Variants in ABLIM1 observed in about 807,000 individuals in gnomAD.
ABLIM1 encodes actin binding LIM protein 1.
Under a neutral mutation model 107.0 loss-of-function variants are expected in ABLIM1, and 40 were observed. The ratio of observed to expected loss-of-function variants is 0.37; its 90% CI spans 0.29 to 0.49. The LOEUF (loss-of-function observed/expected upper bound fraction) is 0.49. Among genes scored for constraint, ABLIM1 ranks in the 20% least tolerant of loss-of-function variants. ABLIM1 has a pLI of 0.97. For synonymous variants in ABLIM1, 357 were observed against 357.3 expected, an observed-to-expected ratio of 1.00 and a Z score of 0.01; for missense variants, 857 against 1,008.5, an observed-to-expected ratio of 0.85 and a Z score of 2.04.
At chr10:114,746,375 T>C (rs562410409) in intron 1 of ABLIM1, among the ~76,000 whole-genome samples, 14 of 152,228 alleles carry the variant, frequency 9.2e-5, no homozygotes, top group Non-Finnish European at 2.1e-4. Context: ...TCACTTAGCA[T>C]TGTGTTCTCC....
chr10:114,491,012 G>GTGTGTGTGTGTGTCTATATATATATATA, intron 7 of ABLIM1, among the ~76,000 whole-genome samples: 2 of 92,396 alleles, frequency 2.2e-5, no homozygotes, highest in Non-Finnish European at 3.9e-5. Context: ...GTGTGTGTGT[G>GTGTGTGTGTGTGTCTATATATATATATA]TATATATATA....
chr10:114,502,913 T>G (rs2060623764), intron 6 of ABLIM1, among the ~76,000 whole-genome samples: 1 of 152,186 alleles, frequency 6.6e-6, no homozygotes, highest in African/African-American at 2.4e-5. Flanking sequence ...CCCCCTTGTG[T>G]CCTCTTCCAA....
intron 4 of ABLIM1, among the ~76,000 whole-genome samples, chr10:114,567,919 G>A (rs1057281868): frequency 2.6e-5 from 4 of 152,204 alleles, no homozygotes; most frequent in East Asian, 3.9e-4. Context: ...GGCCGGGCGC[G>A]GTGGCTCACG....
chr10:114,701,726 A>T (rs575487713), intron 1 of ABLIM1, among the ~76,000 whole-genome samples: 3 of 152,298 alleles, frequency 2.0e-5, no homozygotes, highest in African/African-American at 7.2e-5. Flanking sequence ...TCTAATTAGG[A>T]CCTTGATTGT....
In ABLIM1 at chr10:114,549,604, T is replaced by C. The variant is rs552735011; in HGVS notation, c.674-1828A>G. Among the ~76,000 whole-genome samples, 25 of 152,288 alleles carry C rather than the reference T, an allele frequency of 1.6e-4. No individual in the cohort carries two copies. The East Asian group carries it at 1.9e-3, about 12-fold the overall frequency. ...ACATAACCTTGAGATCCAGTAATTATTTTATGTCTAAGATTTTATTCTACA... is the reference window on the plus strand; with the variant it reads ...ACATAACCTTGAGATCCAGTAATTACTTTATGTCTAAGATTTTATTCTACA... On this transcript the variant is annotated intron_variant, in intron 4 of 22. Coordinates refer to ENST00000533213, the MANE Select transcript of ABLIM1 (RefSeq NM_002313.7).
chr10:114,616,824 G>A (rs1182796784), intron 1 of ABLIM1, among the ~76,000 whole-genome samples: 1 of 152,238 alleles, frequency 6.6e-6, no homozygotes, highest in Non-Finnish European at 1.5e-5. Flanking sequence ...GGCAATGGGT[G>A]ACCAGGCGTT....
intron 6 of ABLIM1, among the ~76,000 whole-genome samples, chr10:114,512,061 C>T (rs2061949369): frequency 6.6e-6 from 1 of 152,234 alleles, no homozygotes; most frequent in Non-Finnish European, 1.5e-5. Flanking sequence ...GACAGTAAAG[C>T]TGCTTGGTAC....
At chr10:114,769,500 AAG>A (rs1391583256), upstream of ABLIM1, among the ~76,000 whole-genome samples, 5 of 146,266 alleles carry the variant, frequency 3.4e-5, no homozygotes, top group East Asian at 2.0e-4. Context: ...AAAGGGAAGG[AAG>A]AGAGAGAAGG....
At chr10:114,692,644 C>A (rs2081105589) in intron 1 of ABLIM1, among the ~76,000 whole-genome samples, 1 of 152,138 alleles carries the variant, frequency 6.6e-6, no homozygotes. Context: ...GTAATCCCAG[C>A]ACTTTGGGAG....
intron 6 of ABLIM1, among the ~76,000 whole-genome samples, chr10:114,514,513 C>T (rs1211299491): frequency 3.3e-5 from 5 of 152,080 alleles, no homozygotes; most frequent in Admixed American, 6.5e-5. Flanking sequence ...GTTGGGTCTA[C>T]AGATGCATGT....
Position 114,629,049 on chromosome 10 carries a change from G to A in ABLIM1, c.245-27088C>T, listed in dbSNP as rs188854374. Reference sequence around the variant, plus strand: ...GAAATAACCATTTCATCAAGATTCCGGAATCAATAAGTGTCTGCAGCTGGA... The same window carrying A: ...GAAATAACCATTTCATCAAGATTCCAGAATCAATAAGTGTCTGCAGCTGGA... On this transcript the variant is annotated intron_variant, in intron 1 of 22. Transcript: ENST00000533213. The surrounding 1 kb of genome is among the most constrained non-coding windows in gnomAD (Gnocchi z 4.0). 1.1e-4 allele frequency among the ~76,000 whole-genome samples: 17 copies of A among 152,214 alleles called. No individual in the cohort carries two copies. The highest frequency in any genetic ancestry group is 1.9e-4 in the East Asian group (1 of 5,172).
chr10:114,629,365 A>G lies in ABLIM1; in HGVS notation c.245-27404T>C, dbSNP rs2078022668. Among the ~76,000 whole-genome samples, 1 of 152,160 alleles carries G rather than the reference A, an allele frequency of 6.6e-6. No homozygotes were observed. Among genetic ancestry groups the G allele is most frequent in the Admixed American group, 6.5e-5 (1 of 15,276 alleles). ...TCGAGTTGATTCCTGACAGCTCCAC[A>G]GGGAAGGAAGGAGCTAGGCTTTTCT... On this transcript the variant is annotated intron_variant, in intron 1 of 22. Coordinates refer to ENST00000533213, the MANE Select transcript of ABLIM1 (RefSeq NM_002313.7). This position sits in a 1 kb window ranked among gnomAD's most constrained non-coding sequence, Gnocchi z 4.0.
intron 6 of ABLIM1, among the ~76,000 whole-genome samples, chr10:114,492,772 C>T (rs556828640): frequency 1.5e-4 from 23 of 152,250 alleles, no homozygotes; most frequent in Middle Eastern, 6.8e-3. Flanking sequence ...AGGCAGTGGC[C>T]GAGAAAGAGT....
At chr10:114,524,972 A>G (rs919370872) in intron 6 of ABLIM1, among the ~76,000 whole-genome samples, 2 of 152,230 alleles carry the variant, frequency 1.3e-5, no homozygotes, top group African/African-American at 4.8e-5. Context: ...GCCTCCTCTC[A>G]TAGACCCTTC....
intron 4 of ABLIM1, among the ~76,000 whole-genome samples, chr10:114,552,429 G>A (rs1373945478): frequency 6.6e-6 from 1 of 150,396 alleles, no homozygotes; most frequent in Non-Finnish European, 1.5e-5. Flanking sequence ...GTGGCATCGA[G>A]GAAATAAAAC....
At chr10:114,554,335 G>C (rs2068457594) in intron 4 of ABLIM1, among the ~76,000 whole-genome samples, 1 of 152,158 alleles carries the variant, frequency 6.6e-6, no homozygotes, top group South Asian at 2.1e-4. Flanking sequence ...AATGGATGGG[G>C]GAAGAGAATT....
chr10:114,637,041 A>G (rs1307819256), intron 1 of ABLIM1, among the ~76,000 whole-genome samples: 3 of 144,920 alleles, frequency 2.1e-5, no homozygotes, highest in African/African-American at 8.4e-5. Flanking sequence ...TCTTTAAAAA[A>G]AAAAAAAAAA....
At chr10:114,447,797 C>A in intron 15 of ABLIM1, 83 bp downstream of exon 15, 1 of 1,555,648 alleles carries the variant, frequency 6.4e-7, no homozygotes, top group South Asian at 1.2e-5. Flanking sequence ...TAATAGGATA[C>A]ATTTTCTTTC....
chr10:114,751,642 C>A (rs1452019484), intron 1 of ABLIM1, among the ~76,000 whole-genome samples: 1 of 151,040 alleles, frequency 6.6e-6, no homozygotes, highest in Non-Finnish European at 1.5e-5. Flanking sequence ...CCCAGCTACT[C>A]GGGAGGCTGA....
Sources: gnomAD v4.1 joint callset for allele counts (sites outside exome capture counted in the v4.1 genomes callset) on GRCh38, gnomAD v4.1.1 for gene constraint, Gnocchi (gnomAD v3.1) non-coding constraint, MANE v1.5 for transcripts, NCBI Gene and HGNC (gene_info 2026-07-23, HGNC 2026-07-21) for gene names.